Variants in FAM13C observed in about 807,000 individuals in gnomAD.
FAM13C encodes the protein protein FAM13C.
FAM13C carries 37 observed loss-of-function variants against 73.2 expected under a neutral mutation model. The ratio of observed to expected loss-of-function variants is 0.51; its 90% CI spans 0.39 to 0.67. The LOEUF is 0.67. Ranked by LOEUF, FAM13C falls within the 30% of genes least tolerant of loss-of-function variation. The pLI, the probability that FAM13C is intolerant of heterozygous loss-of-function variation, is 0.00. For missense variants in FAM13C, 589 were observed against 715.6 expected (o/e 0.82, Z 2.02); for synonymous variants, 246 against 260.9 (o/e 0.94, Z 0.55).
At chr10:59,261,224 T>C (rs941970069) in intron 10 of FAM13C, among the ~76,000 whole-genome samples, 1 of 152,160 alleles carries the variant, frequency 6.6e-6, no homozygotes, top group African/African-American at 2.4e-5. Context: ...AGGGATAGGA[T>C]GGCTGAGTGG....
chr10:59,279,910 C>T (rs1844744059), intron 6 of FAM13C, among the ~76,000 whole-genome samples: 2 of 152,116 alleles, frequency 1.3e-5, no homozygotes, highest in Non-Finnish European at 2.9e-5. Context: ...CAGGTGCCAG[C>T]CTGGTCAACT....
chr10:59,277,522 A>T (rs372826949), intron 6 of FAM13C, among the ~76,000 whole-genome samples: 3 of 152,134 alleles, frequency 2.0e-5, no homozygotes, highest in African/African-American at 4.8e-5. Context: ...ATTTGACTCC[A>T]TGTGAAATAC....
In FAM13C at chr10:59,319,121, T is replaced by TCACA. The variant is rs1171535640; in HGVS notation, c.443+4866_443+4867insTGTG. 7.0e-3 allele frequency among the ~76,000 whole-genome samples: 870 copies of TCACA among 123,892 alleles called. 14 individuals carry two copies. The highest frequency in any genetic ancestry group is 0.029 in the African/African-American group (818 of 28,328). The allele number at this position is 123,892 out of a possible 152,430, so 81.3% of individuals were successfully genotyped here. On this transcript the variant is annotated intron_variant, in intron 4 of 13. Coordinates refer to ENST00000618804, the MANE Select transcript of FAM13C (RefSeq NM_198215.4). ...CACACACACACACACACACACACAT[T>TCACA]GTCTATCTCAAAAACAAAAGATGAA...
chr10:59,271,961 T>G (rs1235407765), intron 6 of FAM13C, among the ~76,000 whole-genome samples: 1 of 152,146 alleles, frequency 6.6e-6, no homozygotes, highest in African/African-American at 2.4e-5. Flanking sequence ...CTCTTACTGG[T>G]TGCTGTTTTA....
chr10:59,310,409 A>G (rs1848780102), intron 4 of FAM13C, among the ~76,000 whole-genome samples: 1 of 152,232 alleles, frequency 6.6e-6, no homozygotes, highest in Non-Finnish European at 1.5e-5. Flanking sequence ...AATAAATTCC[A>G]GTAATATTAT....
intron 3 of FAM13C, among the ~76,000 whole-genome samples, chr10:59,335,586 C>A (rs1357929769): frequency 6.6e-6 from 1 of 152,152 alleles, no homozygotes; most frequent in Non-Finnish European, 1.5e-5. Context: ...TGGAGGCAGA[C>A]AAAATTTCAC....
intron 1 of FAM13C, among the ~76,000 whole-genome samples, chr10:59,362,016 C>G (rs898019079): frequency 2.0e-5 from 3 of 152,184 alleles, no homozygotes; most frequent in African/African-American, 7.2e-5. Context: ...CATTTCACAT[C>G]TATCTTCTAT....
intron 5 of FAM13C, among the ~76,000 whole-genome samples, chr10:59,292,762 GT>G (rs1244690630): frequency 1.3e-5 from 2 of 152,150 alleles, no homozygotes; most frequent in Admixed American, 6.5e-5. Context: ...TACACGGTGA[GT>G]TTTGATACAT....
chr10:59,251,216 GAACTAAGAAACCAACAACAAA>G, intron 13 of FAM13C: 2 of 337,348 alleles, frequency 5.9e-6, no homozygotes, highest in Non-Finnish European at 1.1e-5. Context: ...GTAACTTGTG[GAACTAAGAAACCAACAACAAA>G]GCAGTTATGT....
intron 4 of FAM13C, among the ~76,000 whole-genome samples, chr10:59,307,931 G>T (rs566291059): frequency 5.9e-5 from 9 of 152,206 alleles, no homozygotes; most frequent in African/African-American, 2.2e-4. Flanking sequence ...AGCAATGAAT[G>T]ATGGAGAACT....
intron 4 of FAM13C, among the ~76,000 whole-genome samples, chr10:59,303,350 C>T (rs892505416): frequency 1.3e-5 from 2 of 152,184 alleles, no homozygotes; most frequent in South Asian, 2.1e-4. Context: ...TTAGCACTTC[C>T]TCCTATTGAA....
intron 5 of FAM13C, among the ~76,000 whole-genome samples, chr10:59,291,404 G>A (rs907714024): frequency 6.6e-6 from 1 of 152,182 alleles, no homozygotes; most frequent in Non-Finnish European, 1.5e-5. Context: ...TTGTGTCTGA[G>A]CATGGTTTGC....
chr10:59,317,271 A>G (rs528612366), intron 4 of FAM13C, among the ~76,000 whole-genome samples: 1 of 152,256 alleles, frequency 6.6e-6, no homozygotes, highest in Non-Finnish European at 1.5e-5. Context: ...GATTAGCCCC[A>G]TTCTAGTCGC....
At chr10:59,328,409 T>C (rs1283782474) in intron 3 of FAM13C, among the ~76,000 whole-genome samples, 4 of 152,252 alleles carry the variant, frequency 2.6e-5, no homozygotes, top group African/African-American at 9.6e-5. Flanking sequence ...TGAGATCATC[T>C]AGTTTTGATC....
chr10:59,320,855 C>A (rs963646905), intron 4 of FAM13C, among the ~76,000 whole-genome samples: 1 of 152,142 alleles, frequency 6.6e-6, no homozygotes, highest in African/African-American at 2.4e-5. Flanking sequence ...ACAGAGAAAC[C>A]TTTAGGCTGA....
At chr10:59,311,114 A>G (rs1848866024) in intron 4 of FAM13C, among the ~76,000 whole-genome samples, 1 of 152,148 alleles carries the variant, frequency 6.6e-6, no homozygotes, top group Admixed American at 6.5e-5. Context: ...AACTTCAAAT[A>G]CAGGGCAGCC....
chr10:59,339,419 T>C (rs915738604), intron 3 of FAM13C, among the ~76,000 whole-genome samples: 8 of 151,870 alleles, frequency 5.3e-5, no homozygotes, highest in African/African-American at 7.3e-5. Flanking sequence ...GAAGTAGAAA[T>C]AGAAAAATGT....
At chr10:59,289,979 G>A (rs1328665147) in intron 5 of FAM13C, among the ~76,000 whole-genome samples, 1 of 152,084 alleles carries the variant, frequency 6.6e-6, no homozygotes, top group African/African-American at 2.4e-5. Context: ...ATTGAGTAAG[G>A]GCTAACAGAC....
rs557303188 is a variant in FAM13C at position 59,251,574 on chromosome 10, C to G, written c.1634+1G>C. 6.2e-7 allele frequency: 1 copy of G among 1,612,346 alleles called. No individual in the cohort carries two copies. Among genetic ancestry groups the G allele is most frequent in the African/African-American group, 1.3e-5 (1 of 74,980 alleles). On this transcript the variant is annotated splice_donor_variant, in intron 13 of 13. Transcript: ENST00000618804. LOFTEE classifies it high-confidence loss of function. Reference sequence around the variant, plus strand: ...TTAAAAATCTCTCTGCCGACACATACCTTCCTGTTTGTTTAAAAAACTGTT... The same window carrying G: ...TTAAAAATCTCTCTGCCGACACATAGCTTCCTGTTTGTTTAAAAAACTGTT...
Sources: gnomAD v4.1 joint callset for allele counts (sites outside exome capture counted in the v4.1 genomes callset) on GRCh38, gnomAD v4.1.1 for gene constraint, MANE v1.5 for transcripts, NCBI Gene and HGNC (gene_info 2026-07-23, HGNC 2026-07-21) for gene names.